The following MGA variants were observed in gnomAD, a reference collection of about 807,000 sequenced individuals.
The protein encoded by MGA is MAX gene-associated protein.
A neutral mutation model predicts 261.1 loss-of-function variants in MGA; 40 were observed. The ratio of observed to expected loss-of-function variants is 0.15; its 90% confidence interval spans 0.12 to 0.20. The LOEUF is 0.20. Ranked by LOEUF, MGA falls within the 10% of genes least tolerant of loss-of-function variation. The probability of loss-of-function intolerance (pLI) is 1.00; values close to 1 mark genes in which losing one functional copy is unlikely to be tolerated. For missense variants in MGA, 3,397 were observed against 3,630.5 expected (o/e 0.94, Z 1.65); for synonymous variants, 1,302 against 1,290.6 (o/e 1.01, Z -0.19).
At chr15:41,700,921 T>C (rs1393714673) in intron 5 of MGA, among the ~76,000 whole-genome samples, 2 of 152,252 alleles carry the variant, frequency 1.3e-5, no homozygotes, top group African/African-American at 4.8e-5. Flanking sequence ...AAGATTTATA[T>C]GCTGGTCATT....
intron 19 of MGA, among the ~76,000 whole-genome samples, chr15:41,759,120 T>C (rs2063309728): frequency 6.6e-6 from 1 of 152,116 alleles, no homozygotes; most frequent in Non-Finnish European, 1.5e-5. Context: ...AGATTGTTTA[T>C]TGTTGATGAA....
At chr15:41,677,785 A>G (rs1243786185) in intron 2 of MGA, among the ~76,000 whole-genome samples, 1 of 151,912 alleles carries the variant, frequency 6.6e-6, no homozygotes, top group Non-Finnish European at 1.5e-5. Context: ...TTGAGTCGTT[A>G]TTTTGTTATT....
At chr15:41,718,525 CT>C in intron 9 of MGA, 5 of 502,724 alleles carry the variant, frequency 9.9e-6, no homozygotes, top group South Asian at 3.8e-5. Context: ...TTGTAGTTCT[CT>C]TTTTCTGTGT....
At chr15:41,634,868 T>C (rs2056667502) in intron 1 of MGA, among the ~76,000 whole-genome samples, 1 of 152,232 alleles carries the variant, frequency 6.6e-6, no homozygotes, top group Non-Finnish European at 1.5e-5. Context: ...CAGGTATTTT[T>C]ATCTTGTCCC....
chr15:41,648,039 C>T (rs1341570518), intron 1 of MGA, among the ~76,000 whole-genome samples: 3 of 152,170 alleles, frequency 2.0e-5, no homozygotes. Context: ...GCCTCTAACC[C>T]ATTTTATTCT....
intron 13 of MGA, among the ~76,000 whole-genome samples, chr15:41,736,984 A>G (rs1331952065): frequency 6.6e-6 from 1 of 152,152 alleles, no homozygotes; most frequent in Non-Finnish European, 1.5e-5. Flanking sequence ...TGCAGGCTCT[A>G]GTGATACTTT....
chr15:41,736,745 G>A, intron 13 of MGA, 47 bp downstream of exon 13: 1 of 1,483,714 alleles, frequency 6.7e-7, no homozygotes, highest in Non-Finnish European at 9.0e-7. Context: ...TATACACCTA[G>A]GTAGTATCAT....
intron 1 of MGA, among the ~76,000 whole-genome samples, chr15:41,642,628 C>T (rs1490234469): frequency 2.6e-5 from 4 of 152,134 alleles, no homozygotes; most frequent in Non-Finnish European, 4.4e-5. Flanking sequence ...GGGCTACAGG[C>T]GCATGCCACC....
At chr15:41,626,419 CTT>C (rs999996022) in intron 1 of MGA, among the ~76,000 whole-genome samples, 2 of 148,234 alleles carry the variant, frequency 1.3e-5, no homozygotes, top group East Asian at 2.0e-4. Context: ...TCTAAAAAAA[CTT>C]TTTTTTTTAA....
Position 41,696,599 on chromosome 15 carries a change from T to G in MGA, c.1589T>G (p.Leu530Arg). 1 of 1,613,952 alleles carries G rather than the reference T, an allele frequency of 6.2e-7. No individual in the cohort carries two copies. The highest frequency in any genetic ancestry group is 1.3e-5 in the African/African-American group (1 of 75,056). ...TTAGGCAAGGAATCAGAAAATGGTC[T>G]TAGAAAACATTCACCAGATCTCAGA... The change falls in exon 3 of 24, where the codon CTT (leucine) becomes CGT (arginine). Residue 530 changes from leucine (L) to arginine (R), a missense_variant. By Grantham distance (102) the Leu-to-Arg change is moderately radical. Coordinates refer to ENST00000219905, the MANE Select transcript of MGA (RefSeq NM_001164273.2).
intron 5 of MGA, among the ~76,000 whole-genome samples, chr15:41,700,081 C>G (rs1191328208): frequency 7.6e-6 from 1 of 132,438 alleles, no homozygotes; most frequent in East Asian, 2.5e-4. Flanking sequence ...CAGTCTCGCT[C>G]TCGCCCAGGC....
At chr15:41,761,664 G>A in intron 20 of MGA, 75 bp from the exon 21 acceptor site, 1 of 767,688 alleles carries the variant, frequency 1.3e-6, no homozygotes, top group Non-Finnish European at 1.9e-6. Context: ...TTTCATTAGA[G>A]AAATTGTATA....
intron 11 of MGA, 90 bp downstream of exon 11, chr15:41,729,439 C>A: frequency 7.8e-7 from 1 of 1,280,908 alleles, no homozygotes; most frequent in Non-Finnish European, 1.1e-6. Context: ...AATAATTATC[C>A]TACAGGGCAG....
chr15:41,731,563 A>G (rs1245506945), intron 11 of MGA, among the ~76,000 whole-genome samples: 4 of 152,172 alleles, frequency 2.6e-5, no homozygotes, highest in African/African-American at 9.7e-5. Context: ...CCCAGCTTTC[A>G]GGAGGTAGGT....
Position 41,725,525 on chromosome 15 carries a change from T to A in MGA, c.3431-1655T>A, listed in dbSNP as rs146467899. 3.8e-3 allele frequency among the ~76,000 whole-genome samples: 583 copies of A among 151,992 alleles called. 17 individuals carry two copies. Among genetic ancestry groups the A allele is most frequent in the Admixed American group, 0.027 (406 of 15,186 alleles). On this transcript the variant is annotated intron_variant, in intron 9 of 23. Transcript: ENST00000219905. ...ACTACTTGGGCAACAGAGTGAGACT[T>A]GTACTCTTAAAAAAATAAATAAGTA...
chr15:41,763,092 CTTTTTTTTTTTTTTT>C (rs71108131), intron 22 of MGA, among the ~76,000 whole-genome samples: 4 of 63,952 alleles, frequency 6.3e-5, no homozygotes, highest in East Asian at 3.8e-4. Context: ...TTCTTTCTTC[CTTTTTTTTTTTTTTT>C]TTTTTTTTTT....
chr15:41,750,724 C>G, intron 17 of MGA, 109 bp downstream of exon 17: 1 of 1,031,672 alleles, frequency 9.7e-7, no homozygotes, highest in Non-Finnish European at 1.4e-6. Context: ...TAATTGGATG[C>G]CTAGGTTTAA....
chr15:41,689,240 G>A lies in MGA; in HGVS notation c.1065-6835G>A, dbSNP rs149678860. 5.8e-3 allele frequency among the ~76,000 whole-genome samples: 879 copies of A among 151,476 alleles called. 9 individuals are homozygous for A. Among genetic ancestry groups the A allele is most frequent in the South Asian group, 0.035 (167 of 4,782 alleles). ...ATTTGCTTTAAACAGTCAGTAGTTG[G>A]TGTGTACCCTCTCCCTCTCTCTGTG... On this transcript the variant is annotated intron_variant, in intron 2 of 23. Coordinates refer to ENST00000219905, the MANE Select transcript of MGA (RefSeq NM_001164273.2).
chr15:41,721,911 A>G (rs909362734), intron 9 of MGA, among the ~76,000 whole-genome samples: 1 of 152,194 alleles, frequency 6.6e-6, no homozygotes, highest in African/African-American at 2.4e-5. Context: ...AGTATTTAAA[A>G]CCTGAAAACA....
Sources: gnomAD v4.1 joint callset for allele counts (sites outside exome capture counted in the v4.1 genomes callset) on GRCh38, gnomAD v4.1.1 for gene constraint, MANE v1.5 for transcripts, NCBI Gene and HGNC (gene_info 2026-07-23, HGNC 2026-07-21) for gene names.